Variants in TBCD observed in about 807,000 individuals in gnomAD.
TBCD encodes the protein tubulin folding cofactor D.
Under a neutral mutation model 169.3 loss-of-function variants are expected in TBCD, and 105 were observed. That is an observed-to-expected ratio of 0.62 (90% CI 0.53 to 0.73). The LOEUF (loss-of-function observed/expected upper bound fraction) is 0.73. Among genes scored for constraint, TBCD ranks in the 30% least tolerant of loss-of-function variants. The pLI, the probability that TBCD is intolerant of heterozygous loss-of-function variation, is 0.00. For synonymous variants in TBCD, 700 were observed against 643.9 expected (o/e 1.09, Z -1.32); for missense variants, 1,444 against 1,600.1 (o/e 0.90, Z 1.66).
Position 82,923,611 on chromosome 17 carries a change from A to G in TBCD, c.2179-41A>G. ...CTGTCCCTGGCCGGGGGCTTCTCCGAGCAGAGCTGCTGTGCGCTCACCGTG... is the reference window on the plus strand; with the variant it reads ...CTGTCCCTGGCCGGGGGCTTCTCCGGGCAGAGCTGCTGTGCGCTCACCGTG... On this transcript the variant is annotated intron_variant, in intron 25 of 38. Coordinates refer to ENST00000355528, the MANE Select transcript of TBCD (RefSeq NM_005993.5). The surrounding 1 kb of genome is among the most constrained non-coding windows in gnomAD (Gnocchi z 4.6). The G allele has an allele frequency of 1.3e-6, 2 of 1,518,044 alleles. No individual in the cohort carries two copies. The highest frequency in any genetic ancestry group is 1.8e-6 in the Non-Finnish European group (2 of 1,118,406). 94.0% of individuals were successfully genotyped at this position (1,518,044 alleles called of 1,614,324 possible). A position where few individuals can be genotyped will look rare whatever the true frequency, so the allele number is the denominator to read the frequency against.
intron 12 of TBCD, 110 bp downstream of exon 12, chr17:82,809,892 C>T (rs2051300960): frequency 1.0e-6 from 1 of 964,586 alleles, no homozygotes; most frequent in African/African-American, 1.7e-5. Flanking sequence ...TGTCAGAACT[C>T]CAGAAGCTCT....
At chr17:82,795,192 T>C (rs1443784744) in intron 7 of TBCD, among the ~76,000 whole-genome samples, 5 of 152,236 alleles carry the variant, frequency 3.3e-5, no homozygotes, top group Non-Finnish European at 7.3e-5. Context: ...CACAGTGTCT[T>C]GGATTCTTTT....
intron 4 of TBCD, among the ~76,000 whole-genome samples, chr17:82,767,242 C>T (rs922468927): frequency 2.6e-5 from 4 of 152,040 alleles, no homozygotes; most frequent in Non-Finnish European, 5.9e-5. Context: ...CCGTGCAGTG[C>T]GGTGGCTTGT....
At position 82,943,097 on chromosome 17, in the gene TBCD, G is replaced by T. The variant is rs1396593431; in HGVS notation, c.*634G>T. ...TGATTGATGGGTGTGCCGACCAGCA[G>T]CTTCACAAATGTCTGCTGCAAGGGG... On this transcript the variant is annotated 3_prime_UTR_variant, in exon 39 of 39. Transcript: ENST00000355528. The T allele has an allele frequency of 2.0e-5, 3 of 152,880 alleles. No homozygotes were observed. The highest frequency in any genetic ancestry group is 7.2e-5 in the African/African-American group (3 of 41,422). The allele number at this position is 152,880 out of a possible 1,614,324, so 9.5% of individuals were successfully genotyped here.
chr17:82,758,503 G>A (rs1312228673), intron 2 of TBCD, among the ~76,000 whole-genome samples: 1 of 149,714 alleles, frequency 6.7e-6, no homozygotes, highest in African/African-American at 2.4e-5. Context: ...ACCCACCTTG[G>A]CCTCCTAAAG....
intron 2 of TBCD, among the ~76,000 whole-genome samples, chr17:82,758,696 G>C (rs1350810074): frequency 1.9e-5 from 2 of 102,854 alleles, no homozygotes; most frequent in Non-Finnish European, 3.5e-5. Context: ...TAGTCTCTCT[G>C]TTGCCCAGGC....
At chr17:82,763,026 G>A (rs2047845428) in intron 2 of TBCD, among the ~76,000 whole-genome samples, 1 of 152,178 alleles carries the variant, frequency 6.6e-6, no homozygotes, top group Non-Finnish European at 1.5e-5. Flanking sequence ...TGAGAAAAAT[G>A]TCTGTTCTGT....
intron 7 of TBCD, among the ~76,000 whole-genome samples, chr17:82,783,179 T>C (rs1433506854): frequency 6.6e-6 from 1 of 152,156 alleles, no homozygotes; most frequent in Non-Finnish European, 1.5e-5. Flanking sequence ...CAATGTCTGC[T>C]GCTTCCCGGT....
intron 3 of TBCD, 102 bp from the exon 4 acceptor site, chr17:82,766,165 G>C: frequency 1.2e-6 from 1 of 867,850 alleles, no homozygotes. Context: ...TCTTTGATCA[G>C]TGGGTCGCGT....
chr17:82,918,607 G>A (rs1369135476), intron 23 of TBCD: 1 of 152,212 alleles, frequency 6.6e-6, no homozygotes, highest in Non-Finnish European at 1.5e-5. Context: ...TGTGCGAGAT[G>A]TGGGTACAAG....
Position 82,930,439 on chromosome 17 carries a change from A to C in TBCD, c.2992-83A>C. ...GCTCGGAGCAGTTCTGCTCTTCAGC[A>C]GATGCTTGACCGGCTGTAGCCAAGC... On this transcript the variant is annotated intron_variant, in intron 32 of 38. Transcript: ENST00000355528. The surrounding 1 kb of genome is among the most constrained non-coding windows in gnomAD (Gnocchi z 5.2). 2 of 1,541,440 alleles carry C rather than the reference A, an allele frequency of 1.3e-6. No homozygotes were observed. The highest frequency in any genetic ancestry group is 1.7e-6 in the Non-Finnish European group (2 of 1,145,944).
intron 1 of TBCD, among the ~76,000 whole-genome samples, chr17:82,755,921 T>C (rs923879682): frequency 6.6e-6 from 1 of 151,966 alleles, no homozygotes; most frequent in Non-Finnish European, 1.5e-5. Flanking sequence ...AGAGGAACAG[T>C]GTGCCAAGCA....
Position 82,753,447 on chromosome 17 carries a change from C to CTTTTTT in TBCD, c.184+1087_184+1092dup, listed in dbSNP as rs59839519. Among the ~76,000 whole-genome samples, 315 of 104,258 alleles carry CTTTTTT rather than the reference C, an allele frequency of 3.0e-3. 17 individuals are homozygous for CTTTTTT. Among genetic ancestry groups the CTTTTTT allele is most frequent in the African/African-American group, 9.1e-3 (233 of 25,700 alleles). 68.4% of individuals were successfully genotyped at this position (104,258 alleles called of 152,430 possible). On this transcript the variant is annotated intron_variant, in intron 1 of 38. Transcript: ENST00000355528. ...GGTGTAACAGCCCAATGGCTTCTTC[C>CTTTTTT]TTTTTTTTTTTTTTTTTTTTTTGAT...
chr17:82,872,756 C>T (rs2057678078), intron 14 of TBCD, among the ~76,000 whole-genome samples: 2 of 152,252 alleles, frequency 1.3e-5, no homozygotes, highest in South Asian at 2.1e-4. Context: ...CAGGGGCCAC[C>T]GTCATTCTGG....
At chr17:82,881,086 T>G (rs1255009504) in intron 14 of TBCD, among the ~76,000 whole-genome samples, 1 of 151,844 alleles carries the variant, frequency 6.6e-6, no homozygotes, top group African/African-American at 2.4e-5. Flanking sequence ...CATCCTTCTG[T>G]TTTTTTTCTG....
Position 82,831,139 on chromosome 17 carries a change from G to C in TBCD, c.1318+16205G>C, listed in dbSNP as rs2053471111. 1.2e-6 allele frequency: 2 copies of C among 1,614,066 alleles called. No individual in the cohort carries two copies. The highest frequency in any genetic ancestry group is 2.7e-5 in the African/African-American group (2 of 74,918). On this transcript the variant is annotated intron_variant, in intron 13 of 38. Transcript: ENST00000355528. The surrounding 1 kb of genome is among the most constrained non-coding windows in gnomAD (Gnocchi z 4.6). ...CGGGTAGAGTCTTCCCAGTGCGCTG[G>C]AGGCTGCCTTGTTGGAGAGGTCGTA... is the stretch of plus-strand genomic sequence containing the variant.
intron 13 of TBCD, among the ~76,000 whole-genome samples, chr17:82,868,417 G>A (rs886820005): frequency 1.3e-5 from 2 of 152,174 alleles, no homozygotes; most frequent in Admixed American, 6.5e-5. Context: ...TGTGTGCAGC[G>A]CCCTGCGTCG....
intron 2 of TBCD, among the ~76,000 whole-genome samples, chr17:82,761,114 A>G (rs1275053107): frequency 6.6e-6 from 1 of 151,920 alleles, no homozygotes; most frequent in Admixed American, 6.6e-5. Context: ...CGCCACCTGT[A>G]AAATTAGCCT....
At chr17:82,855,983 T>A (rs982468974) in intron 13 of TBCD, among the ~76,000 whole-genome samples, 1 of 114,030 alleles carries the variant, frequency 8.8e-6, no homozygotes, top group Non-Finnish European at 1.8e-5. Context: ...ATGGGTAGAC[T>A]CCCCCCCCAC....
Sources: allele counts gnomAD v4.1 joint callset (sites outside exome capture counted in the v4.1 genomes callset), GRCh38; gene constraint gnomAD v4.1.1; non-coding constraint Gnocchi (gnomAD v3.1); transcripts MANE v1.5; gene names NCBI Gene and HGNC (gene_info 2026-07-23, HGNC 2026-07-21).